Variants in CTNNA3 observed in about 807,000 individuals in gnomAD.
The protein encoded by CTNNA3 is catenin alpha-3.
A neutral mutation model predicts 95.7 loss-of-function variants in CTNNA3; 76 were observed. The observed-to-expected ratio is 0.79, with a 90% CI of 0.66 to 0.96. The LOEUF (loss-of-function observed/expected upper bound fraction) is 0.96. Ranked by LOEUF, CTNNA3 falls within the 40% of genes least tolerant of loss-of-function variation. The probability of loss-of-function intolerance (pLI) is 0.00; values close to 1 mark genes in which losing one functional copy is unlikely to be tolerated. For synonymous variants in CTNNA3, 431 were observed against 374.4 expected (o/e 1.15, Z -1.74); for missense variants, 1,191 against 1,089.8 (o/e 1.09, Z -1.31).
chr10:66,131,553 A>T (rs1034401767), intron 13 of CTNNA3, among the ~76,000 whole-genome samples: 1 of 152,192 alleles, frequency 6.6e-6, no homozygotes, highest in African/African-American at 2.4e-5. Flanking sequence ...AAACTATTTT[A>T]AAATTCATAT....
At chr10:66,920,095 C>G (rs1846712188) in intron 7 of CTNNA3, among the ~76,000 whole-genome samples, 1 of 152,006 alleles carries the variant, frequency 6.6e-6, no homozygotes, top group Non-Finnish European at 1.5e-5. Context: ...TGTTCATGAC[C>G]CTTGATAACC....
chr10:67,472,687 C>T (rs1229821521), intron 5 of CTNNA3, among the ~76,000 whole-genome samples: 3 of 152,136 alleles, frequency 2.0e-5, no homozygotes, highest in East Asian at 1.9e-4. Flanking sequence ...TAACCAATGA[C>T]GAGCCTGGGA....
chr10:67,442,960 A>C (rs1331506066), intron 5 of CTNNA3, among the ~76,000 whole-genome samples: 1 of 92,298 alleles, frequency 1.1e-5, no homozygotes, highest in African/African-American at 4.4e-5. Context: ...CCCACCCCAC[A>C]ACAGTCCCCA....
intron 9 of CTNNA3, among the ~76,000 whole-genome samples, chr10:66,690,620 A>G (rs1847488743): frequency 6.6e-6 from 1 of 151,668 alleles, no homozygotes; most frequent in Non-Finnish European, 1.5e-5. Context: ...ATGATTCCCA[A>G]TTTCATCCAT....
Position 66,996,141 on chromosome 10 carries a change from A to C in CTNNA3, c.1047+184176T>G, listed in dbSNP as rs79954276. Among the ~76,000 whole-genome samples, 46 of 152,306 alleles carry C rather than the reference A, an allele frequency of 3.0e-4. No homozygotes were observed. The East Asian group carries it at 8.3e-3, about 28-fold the overall frequency. On this transcript the variant is annotated intron_variant, in intron 7 of 17. Transcript: ENST00000433211. ...TACTCTCTATTGCCTAAGCTACTTC[A>C]TTGCACAAGTAGGTCTCAAAGCTCT...
chr10:66,876,477 T>C (rs1452289185), intron 7 of CTNNA3, among the ~76,000 whole-genome samples: 1 of 152,174 alleles, frequency 6.6e-6, no homozygotes, highest in African/African-American at 2.4e-5. Flanking sequence ...CAATATGCAA[T>C]CCTTATTTGA....
intron 14 of CTNNA3, among the ~76,000 whole-genome samples, chr10:66,076,827 G>T (rs558363846): frequency 1.3e-5 from 2 of 151,532 alleles, no homozygotes; most frequent in African/African-American, 4.8e-5. Flanking sequence ...AATATGATGA[G>T]GTAGATATTA....
chr10:66,627,453 C>T (rs1844977426), intron 9 of CTNNA3, among the ~76,000 whole-genome samples: 2 of 142,020 alleles, frequency 1.4e-5, no homozygotes, highest in South Asian at 4.8e-4. Context: ...ATGTGCATTA[C>T]CTTATGTCTT....
intron 5 of CTNNA3, among the ~76,000 whole-genome samples, chr10:67,275,551 T>C (rs1028135332): frequency 6.6e-6 from 1 of 151,786 alleles, no homozygotes; most frequent in Non-Finnish European, 1.5e-5. Context: ...GAAAAAAGAA[T>C]AACAGTAAAC....
intron 15 of CTNNA3, among the ~76,000 whole-genome samples, chr10:66,023,177 T>C (rs916974694): frequency 6.6e-6 from 1 of 152,242 alleles, no homozygotes; most frequent in Non-Finnish European, 1.5e-5. Context: ...TTTCACTACC[T>C]ATTTTCCATG....
chr10:66,675,899 C>T (rs1846835554), intron 9 of CTNNA3, among the ~76,000 whole-genome samples: 1 of 151,998 alleles, frequency 6.6e-6, no homozygotes. Flanking sequence ...GGCTATGCCA[C>T]CCAGAAATTT....
intron 1 of CTNNA3, among the ~76,000 whole-genome samples, chr10:67,661,332 A>C (rs376176323): frequency 6.6e-6 from 1 of 151,834 alleles, no homozygotes; most frequent in Non-Finnish European, 1.5e-5. Flanking sequence ...GAAGGGAAGA[A>C]AGTCAGGAAG....
At chr10:67,022,944 T>A (rs1853123349) in intron 7 of CTNNA3, among the ~76,000 whole-genome samples, 1 of 151,718 alleles carries the variant, frequency 6.6e-6, no homozygotes, top group South Asian at 2.1e-4. Flanking sequence ...TCTCAAAAAA[T>A]AAATAAATAA....
At chr10:66,292,454 T>C (rs1175611604) in intron 12 of CTNNA3, among the ~76,000 whole-genome samples, 2 of 152,180 alleles carry the variant, frequency 1.3e-5, no homozygotes, top group African/African-American at 4.8e-5. Flanking sequence ...TATCATTAAG[T>C]TATCATTGAA....
intron 7 of CTNNA3, among the ~76,000 whole-genome samples, chr10:66,966,209 G>T (rs1042751553): frequency 6.6e-6 from 1 of 152,046 alleles, no homozygotes; most frequent in Non-Finnish European, 1.5e-5. Flanking sequence ...ATTAATAAAC[G>T]AAAACAATTT....
At position 67,251,325 on chromosome 10, in the gene CTNNA3, T is replaced by C. The variant is rs191437055; in HGVS notation, c.580-31455A>G. Reference sequence around the variant, plus strand: ...AAGCAGATTAGTGGTTATCTGGGGGTTGGGGGCAGGAGTGACTGCTAATGG... The same window carrying C: ...AAGCAGATTAGTGGTTATCTGGGGGCTGGGGGCAGGAGTGACTGCTAATGG... On this transcript the variant is annotated intron_variant, in intron 5 of 17. Coordinates refer to ENST00000433211, the MANE Select transcript of CTNNA3 (RefSeq NM_013266.4). Among the ~76,000 whole-genome samples, 8 of 152,026 alleles carry C rather than the reference T, an allele frequency of 5.3e-5. No individual in the cohort carries two copies. In the East Asian group the frequency reaches 1.5e-3, roughly 29 times the overall value.
chr10:66,434,442 G>A (rs1458802521), intron 11 of CTNNA3, among the ~76,000 whole-genome samples: 1 of 152,046 alleles, frequency 6.6e-6, no homozygotes, highest in Non-Finnish European at 1.5e-5. Flanking sequence ...TTGGCTCTCT[G>A]TTTGTCTATT....
At chr10:66,561,551 T>C (rs915726880) in intron 10 of CTNNA3, among the ~76,000 whole-genome samples, 5 of 151,998 alleles carry the variant, frequency 3.3e-5, no homozygotes, top group Admixed American at 1.3e-4. Context: ...AAGAAGGATC[T>C]AACCAGGGGA....
chr10:67,230,562 C>T (rs1410705629), intron 5 of CTNNA3, among the ~76,000 whole-genome samples: 1 of 152,016 alleles, frequency 6.6e-6, no homozygotes, highest in Non-Finnish European at 1.5e-5. Flanking sequence ...GACTAATATC[C>T]AGAATCTACA....
Sources: allele counts gnomAD v4.1 joint callset (sites outside exome capture counted in the v4.1 genomes callset), GRCh38; gene constraint gnomAD v4.1.1; transcripts MANE v1.5; gene names NCBI Gene and HGNC (gene_info 2026-07-23, HGNC 2026-07-21).